HNMT: variants seen among roughly 807,000 people sequenced by gnomAD.
The protein encoded by HNMT is histamine N-methyltransferase.
HNMT carries 30 observed loss-of-function variants against 32.1 expected under a neutral mutation model. The observed-to-expected ratio is 0.93, with a 90% CI of 0.70 to 1.27. HNMT has a LOEUF of 1.27. HNMT is among the 50% of genes most tolerant of loss of function. The pLI, the probability that HNMT is intolerant of heterozygous loss-of-function variation, is 0.00. For missense variants in HNMT, 327 were observed against 346.0 expected (o/e 0.95, Z 0.43); for synonymous variants, 125 against 119.0 (o/e 1.05, Z -0.33).
At position 137,979,532 on chromosome 2, in the gene HNMT, G is replaced by A. The variant is rs547873240; in HGVS notation, c.190+9315G>A. Among the ~76,000 whole-genome samples the A allele has an allele frequency of 1.7e-3, 254 of 152,014 alleles. 1 individual carries two copies. Among genetic ancestry groups the A allele is most frequent in the African/African-American group, 5.8e-3 (242 of 41,520 alleles). On this transcript the variant is annotated intron_variant, in intron 2 of 5. Transcript: ENST00000280097. ...CTCCCAAAGTGCTGGGATTATAGGCGTGAGCCACCACGCCCGGCCATACTT... is the reference window on the plus strand; with the variant it reads ...CTCCCAAAGTGCTGGGATTATAGGCATGAGCCACCACGCCCGGCCATACTT...
At chr2:138,010,320 A>G (rs1374033226) in intron 5 of HNMT, among the ~76,000 whole-genome samples, 2 of 151,948 alleles carry the variant, frequency 1.3e-5, no homozygotes, top group Admixed American at 1.3e-4. Context: ...TATACATCCA[A>G]AAAAAGAGAA....
chr2:137,967,928 A>C (rs1012973475), intron 1 of HNMT, among the ~76,000 whole-genome samples: 1 of 152,148 alleles, frequency 6.6e-6, no homozygotes, highest in Admixed American at 6.5e-5. Flanking sequence ...CCAACCACCT[A>C]AAGAGCCTTG....
At chr2:138,011,034 A>C (rs1182423203) in intron 5 of HNMT, among the ~76,000 whole-genome samples, 3 of 152,048 alleles carry the variant, frequency 2.0e-5, no homozygotes, top group Non-Finnish European at 4.4e-5. Flanking sequence ...AATCTGGCTT[A>C]CATCATGTTG....
At chr2:137,975,782 C>CCAA (rs1680268883) in intron 2 of HNMT, among the ~76,000 whole-genome samples, 1 of 152,048 alleles carries the variant, frequency 6.6e-6, no homozygotes, top group African/African-American at 2.4e-5. Flanking sequence ...CCATAGTAAG[C>CCAA]CAACAGTACA....
intron 4 of HNMT, among the ~76,000 whole-genome samples, chr2:138,002,939 C>T (rs184485099): frequency 5.9e-5 from 9 of 151,860 alleles, no homozygotes; most frequent in Admixed American, 1.3e-4. Flanking sequence ...TATCCAGATC[C>T]GACAAACTGA....
chr2:138,013,991 C>G lies in HNMT; in HGVS notation c.740C>G (p.Thr247Ser), dbSNP rs778815545. 1.1e-5 allele frequency: 17 copies of G among 1,613,478 alleles called. No homozygotes were observed. Among genetic ancestry groups the G allele is most frequent in the Non-Finnish European group, 1.4e-5 (16 of 1,179,766 alleles). ...CTGCTTTGGGATTTTTTGACTGAAA[C>G]CTGCAACTTTAATGCCACAGCACCA... ...GDLLWDFLTE[T>S]CNFNATAPPD... Residue 247 changes from threonine to serine, a missense_variant, in exon 6 of 6, where the codon ACC becomes AGC. Transcript: ENST00000280097.
At chr2:137,999,617 T>C (rs1681098793) in intron 2 of HNMT, among the ~76,000 whole-genome samples, 1 of 152,200 alleles carries the variant, frequency 6.6e-6, no homozygotes. Context: ...ATGTCATTTA[T>C]GCCAAATGTT....
intron 2 of HNMT, among the ~76,000 whole-genome samples, chr2:137,992,495 T>C (rs962179640): frequency 3.3e-5 from 5 of 152,092 alleles, no homozygotes; most frequent in East Asian, 1.9e-4. Flanking sequence ...TCCTTCCTCA[T>C]TGGGTGAGGC....
chr2:137,970,957 GAAAGAAAGAAAGAAAA>G (rs1406953554), intron 2 of HNMT, among the ~76,000 whole-genome samples: 5 of 130,220 alleles, frequency 3.8e-5, no homozygotes, highest in Non-Finnish European at 8.4e-5. Context: ...AAGAAAGAAA[GAAAGAAAGAAAGAAAA>G]AAGAAATGTG....
chr2:137,976,927 C>T (rs2104936066), intron 2 of HNMT, among the ~76,000 whole-genome samples: 1 of 152,236 alleles, frequency 6.6e-6, no homozygotes, highest in Non-Finnish European at 1.5e-5. Context: ...TGTTAGAACA[C>T]TGGAGTGATT....
chr2:138,002,650 T>C (rs1176295981), intron 4 of HNMT: 1 of 255,756 alleles, frequency 3.9e-6, no homozygotes, highest in African/African-American at 2.3e-5. Flanking sequence ...TCATACTATG[T>C]TGCCCAGGCT....
chr2:138,014,250 A>G lies in HNMT; in HGVS notation c.*120A>G, dbSNP rs937882159. ...GTAGATAAAGCACTGTTTGGATATG[A>G]GATGTAGCAAATTCCAATACATTAT... On this transcript the variant is annotated 3_prime_UTR_variant, in exon 6 of 6. Coordinates refer to ENST00000280097, the MANE Select transcript of HNMT (RefSeq NM_006895.3). 23 of 670,910 alleles carry G rather than the reference A, an allele frequency of 3.4e-5. No individual in the cohort carries two copies. Among genetic ancestry groups the G allele is most frequent in the Non-Finnish European group, 5.5e-5 (22 of 403,290 alleles). The allele number at this position is 670,910 out of a possible 1,614,324, so 41.6% of individuals were successfully genotyped here. A position where few individuals can be genotyped will look rare whatever the true frequency, so the allele number is the denominator to read the frequency against.
At chr2:138,009,607 G>C (rs1194829925) in intron 5 of HNMT, among the ~76,000 whole-genome samples, 1 of 151,840 alleles carries the variant, frequency 6.6e-6, no homozygotes, top group African/African-American at 2.4e-5. Flanking sequence ...GTCAGCTTTT[G>C]GAAAAATAGA....
At chr2:137,965,242 C>CT (rs201437814) in intron 1 of HNMT, among the ~76,000 whole-genome samples, 1,744 of 151,876 alleles carry the variant, frequency 0.011, 58 homozygotes, top group Admixed American at 0.068. Context: ...TTGCAGAGTT[C>CT]TTTTTTTTGG....
chr2:137,968,257 G>A (rs1031347814), intron 1 of HNMT, among the ~76,000 whole-genome samples: 1 of 152,160 alleles, frequency 6.6e-6, no homozygotes, highest in Admixed American at 6.5e-5. Context: ...TCCTTGGCTA[G>A]AAAATAGTAA....
intron 2 of HNMT, chr2:137,981,598 C>G (rs1573652797): frequency 3.7e-6 from 2 of 539,070 alleles, no homozygotes; most frequent in East Asian, 5.7e-5. Context: ...TTAGTGGGTG[C>G]TCAATAATAT....
chr2:137,994,274 A>T (rs1159158114), intron 2 of HNMT, among the ~76,000 whole-genome samples: 1 of 152,224 alleles, frequency 6.6e-6, no homozygotes, highest in Non-Finnish European at 1.5e-5. Context: ...TGCTGTATTC[A>T]GGAGACCCAT....
intron 2 of HNMT, among the ~76,000 whole-genome samples, chr2:137,976,249 G>GAGCAAGAC (rs1345056479): frequency 7.6e-6 from 1 of 131,594 alleles, no homozygotes; most frequent in Non-Finnish European, 1.6e-5. Context: ...CTGGGGGACA[G>GAGCAAGAC]AGCAAGACTC....
rs1679895555 is a variant in HNMT at position 137,964,577 on chromosome 2, A to G, written c.86A>G (p.His29Arg). ...AGGTTTCTCAACCATTCCACGGAACACCAGTGCATGCAGGAATTCATGGAC... is the reference window on the plus strand; with the variant it reads ...AGGTTTCTCAACCATTCCACGGAACGCCAGTGCATGCAGGAATTCATGGAC... ...FRRFLNHSTE[H>R]QCMQEFMDKK... The change falls in exon 1 of 6, where the codon CAC becomes CGC. Residue 29 changes from histidine (H) to arginine (R), a missense_variant. His to Arg is a conservative substitution (Grantham distance 29). Coordinates refer to ENST00000280097, the MANE Select transcript of HNMT (RefSeq NM_006895.3). 2 of 1,613,572 alleles carry G rather than the reference A, an allele frequency of 1.2e-6. No homozygotes were observed. Among genetic ancestry groups the G allele is most frequent in the African/African-American group, 1.3e-5 (1 of 74,894 alleles).
Sources: allele counts gnomAD v4.1 joint callset (sites outside exome capture counted in the v4.1 genomes callset), GRCh38; gene constraint gnomAD v4.1.1; transcripts MANE v1.5; gene names NCBI Gene and HGNC (gene_info 2026-07-23, HGNC 2026-07-21).